CTDSPL2: variants seen among roughly 807,000 people sequenced by gnomAD.
CTDSPL2 encodes the protein CTD small phosphatase like 2, also known as CTD small phosphatase-like protein 2.
CTDSPL2 carries 5 observed loss-of-function variants against 60.0 expected under a neutral mutation model. The ratio of observed to expected loss-of-function variants is 0.08; its 90% CI spans 0.04 to 0.18. CTDSPL2 has a LOEUF of 0.18. Ranked by LOEUF, CTDSPL2 falls within the 10% of genes least tolerant of loss-of-function variation. The pLI, the probability that CTDSPL2 is intolerant of heterozygous loss-of-function variation, is 1.00. For missense variants in CTDSPL2, 370 were observed against 548.8 expected (o/e 0.67, Z 3.26); for synonymous variants, 186 against 189.3 (o/e 0.98, Z 0.14).
intron 1 of CTDSPL2, among the ~76,000 whole-genome samples, chr15:44,444,299 C>CCATA (rs757100256): frequency 9.0e-5 from 11 of 122,294 alleles, no homozygotes; most frequent in Admixed American, 4.0e-4. Context: ...TGAGCTTTTC[C>CCATA]CATACACACA....
intron 2 of CTDSPL2, among the ~76,000 whole-genome samples, chr15:44,483,191 G>A (rs1348860031): frequency 2.0e-5 from 3 of 146,576 alleles, no homozygotes; most frequent in East Asian, 2.0e-4. Context: ...CCCAGGAGGC[G>A]GGCGGAGGTT....
rs1004715121 is a variant in CTDSPL2 at position 44,427,769 on chromosome 15, T to TTAGG, written c.-25_-25+3dup. The TTAGG allele has an allele frequency of 3.3e-5, 13 of 399,182 alleles. No individual in the cohort carries two copies. Among genetic ancestry groups the TTAGG allele is most frequent in the Non-Finnish European group, 5.7e-5 (13 of 226,372 alleles). 24.7% of individuals were successfully genotyped at this position (399,182 alleles called of 1,614,324 possible). On this transcript the variant is annotated 5_prime_UTR_variant, in exon 1 of 13. Transcript: ENST00000260327. ...TGAGGACACTTCTCTGTCGTCACAG[T>TTAGG]TAGGTAATCCCCTTCGTCCAGACGC... is the stretch of plus-strand genomic sequence containing the variant.
intron 10 of CTDSPL2, among the ~76,000 whole-genome samples, chr15:44,518,058 T>A (rs2081690108): frequency 6.6e-6 from 1 of 152,224 alleles, no homozygotes; most frequent in Non-Finnish European, 1.5e-5. Context: ...ATTTTAAGGT[T>A]GAGTTTTTAT....
At chr15:44,472,307 C>G (rs1334539019) in intron 2 of CTDSPL2, among the ~76,000 whole-genome samples, 1 of 152,144 alleles carries the variant, frequency 6.6e-6, no homozygotes, top group Non-Finnish European at 1.5e-5. Context: ...GTTCCACTAG[C>G]AAAATATGAG....
intron 1 of CTDSPL2, among the ~76,000 whole-genome samples, chr15:44,451,132 A>T (rs945119997): frequency 1.3e-5 from 2 of 152,080 alleles, no homozygotes; most frequent in Non-Finnish European, 2.9e-5. Context: ...ACAGAGTCTC[A>T]GTCTGTTTCC....
chr15:44,459,061 A>G lies in CTDSPL2; in HGVS notation c.47A>G (p.Gln16Arg). ...GCTTCTCAGCAGTCAAATCAAATCC[A>G]AACACAACGCACTGCCAGAGCAAAG... Reference protein sequence around the residue: ...RKASQQSNQIQTQRTARAKRK... With the variant: ...RKASQQSNQIRTQRTARAKRK... Residue 16 changes from glutamine to arginine, a missense_variant, in exon 2 of 13, where the codon CAA becomes CGA. Around this residue, in one of 6 missense-constraint regions of CTDSPL2, gnomAD observed 287 missense variants for 296.1 expected, o/e 0.97. Coordinates refer to ENST00000260327, the MANE Select transcript of CTDSPL2 (RefSeq NM_016396.3). 6.2e-7 allele frequency: 1 copy of G among 1,610,156 alleles called. No homozygotes were observed. The highest frequency in any genetic ancestry group is 1.7e-4 in the Middle Eastern group (1 of 6,056).
At chr15:44,458,472 T>G (rs1352036146) in intron 1 of CTDSPL2, among the ~76,000 whole-genome samples, 1 of 152,228 alleles carries the variant, frequency 6.6e-6, no homozygotes, top group Non-Finnish European at 1.5e-5. Flanking sequence ...GTTGTTACAC[T>G]TATATGGTTG....
chr15:44,497,560 C>T (rs1224431299), intron 7 of CTDSPL2, among the ~76,000 whole-genome samples: 2 of 152,018 alleles, frequency 1.3e-5, no homozygotes, highest in Non-Finnish European at 2.9e-5. Context: ...TTTGTAGAGA[C>T]GGGGTTTCAC....
At chr15:44,445,754 C>T (rs1378209935) in intron 1 of CTDSPL2, among the ~76,000 whole-genome samples, 1 of 151,728 alleles carries the variant, frequency 6.6e-6, no homozygotes, top group Non-Finnish European at 1.5e-5. Context: ...TCTCCTGCCT[C>T]AGCCTCCCGA....
chr15:44,455,889 G>T (rs1268467542), intron 1 of CTDSPL2, among the ~76,000 whole-genome samples: 1 of 111,974 alleles, frequency 8.9e-6, no homozygotes, highest in African/African-American at 3.5e-5. Context: ...TCTCGCTGTC[G>T]CCCAGGCTGG....
chr15:44,490,772 T>C lies in CTDSPL2; in HGVS notation c.476-12T>C. 4 of 1,607,974 alleles carry C rather than the reference T, an allele frequency of 2.5e-6. No individual in the cohort carries two copies. The highest frequency in any genetic ancestry group is 2.6e-6 in the Non-Finnish European group (3 of 1,176,010). On this transcript the variant is annotated splice_polypyrimidine_tract_variant and intron_variant, in intron 4 of 12. Coordinates refer to ENST00000260327, the MANE Select transcript of CTDSPL2 (RefSeq NM_016396.3). ...TTTTAAATGATGATAGTACACTGAA[T>C]CATGATTTCAGGAACGTCAGGATCA... is the stretch of plus-strand genomic sequence containing the variant.
chr15:44,439,546 G>A (rs73417552), intron 1 of CTDSPL2, among the ~76,000 whole-genome samples: 7 of 151,286 alleles, frequency 4.6e-5, no homozygotes, highest in South Asian at 2.1e-4. Flanking sequence ...TTTTTTTTGG[G>A]GGGGGGGGAA....
intron 1 of CTDSPL2, among the ~76,000 whole-genome samples, chr15:44,434,956 G>A (rs1222969128): frequency 6.6e-6 from 1 of 152,152 alleles, no homozygotes; most frequent in Non-Finnish European, 1.5e-5. Flanking sequence ...ACACTTTGTT[G>A]TGAATAGGAT....
rs17514635 is a variant in CTDSPL2 at position 44,496,373 on chromosome 15, T to G, written c.692-7T>G. On this transcript the variant is annotated splice_region_variant and splice_polypyrimidine_tract_variant and intron_variant, in intron 5 of 12. Coordinates refer to ENST00000260327, the MANE Select transcript of CTDSPL2 (RefSeq NM_016396.3). ...AGCAACATTTTTTCTTTCACTATGT[T>G]AAATAGCACCAGTAACTCCAGATAG... 6.2e-7 allele frequency: 1 copy of G among 1,605,630 alleles called. No individual in the cohort carries two copies. The highest frequency in any genetic ancestry group is 1.3e-5 in the African/African-American group (1 of 74,664).
chr15:44,474,062 A>T (rs751648478), intron 2 of CTDSPL2, among the ~76,000 whole-genome samples: 64 of 152,274 alleles, frequency 4.2e-4, no homozygotes, highest in Admixed American at 7.2e-4. Context: ...TTCTGGGCTC[A>T]GGCAGTCTAC....
At chr15:44,515,453 C>G (rs2081633265) in intron 10 of CTDSPL2, among the ~76,000 whole-genome samples, 1 of 152,022 alleles carries the variant, frequency 6.6e-6, no homozygotes, top group Admixed American at 6.6e-5. Flanking sequence ...TAATTAGTTC[C>G]ATTATTTTGT....
At chr15:44,451,123 C>G (rs1018025475) in intron 1 of CTDSPL2, among the ~76,000 whole-genome samples, 2 of 151,978 alleles carry the variant, frequency 1.3e-5, no homozygotes, top group African/African-American at 4.8e-5. Context: ...GTTTTGGAGA[C>G]AGAGTCTCAG....
At chr15:44,451,385 C>T (rs570770724) in intron 1 of CTDSPL2, among the ~76,000 whole-genome samples, 3 of 152,230 alleles carry the variant, frequency 2.0e-5, no homozygotes, top group East Asian at 1.9e-4. Context: ...CCTGGGATTA[C>T]AGGTGTGAGC....
At chr15:44,444,731 GT>G (rs200048188) in intron 1 of CTDSPL2, among the ~76,000 whole-genome samples, 10,175 of 105,368 alleles carry the variant, frequency 0.097, 1,012 homozygotes, top group African/African-American at 0.27. Flanking sequence ...AAGGTAAGTA[GT>G]TTTTTTTTTT....
Sources: allele counts gnomAD v4.1 joint callset (sites outside exome capture counted in the v4.1 genomes callset), GRCh38; gene constraint gnomAD v4.1.1; regional missense constraint gnomAD v4.1.1; transcripts MANE v1.5; gene names NCBI Gene and HGNC (gene_info 2026-07-23, HGNC 2026-07-21).